Variants in TSPAN7 observed in about 807,000 individuals in gnomAD.
The protein encoded by TSPAN7 is tetraspanin-7.
In TSPAN7, 1 loss-of-function variant was observed where a neutral mutation model predicts 17.6. The ratio of observed to expected loss-of-function variants is 0.06; its 90% CI spans 0.02 to 0.27. TSPAN7 has a LOEUF of 0.27. Among genes scored for constraint, TSPAN7 ranks in the 10% least tolerant of loss-of-function variants. TSPAN7 has a pLI of 1.00. For missense variants in TSPAN7, 112 were observed against 201.7 expected, an observed-to-expected ratio of 0.56 and a Z score of 2.69; for synonymous variants, 78 against 79.0, an observed-to-expected ratio of 0.99 and a Z score of 0.07.
At chrX:38,581,372 G>T (rs183847212) in intron 1 of TSPAN7, among the ~76,000 whole-genome samples, 1 of 112,328 alleles carries the variant, frequency 8.9e-6, no homozygotes, top group Admixed American at 9.4e-5. Context: ...GAAGGCAAAA[G>T]AGGAGAAAGA....
At chrX:38,581,597 A>G (rs747562281) in intron 1 of TSPAN7, among the ~76,000 whole-genome samples, 177 of 112,173 alleles carry the variant, frequency 1.6e-3, no homozygotes, top group Non-Finnish European at 2.6e-3. Flanking sequence ...TGGCCAAACC[A>G]TATCAAATCT....
chrX:38,591,575 A>G (rs1489660221), intron 1 of TSPAN7, among the ~76,000 whole-genome samples: 1 of 112,066 alleles, frequency 8.9e-6, no homozygotes, highest in Non-Finnish European at 1.9e-5. Context: ...TTTTCTCAAT[A>G]CTTGTTCTAT....
chrX:38,631,454 C>G (rs899206969), intron 1 of TSPAN7, among the ~76,000 whole-genome samples: 1 of 111,440 alleles, frequency 9.0e-6, no homozygotes, highest in Non-Finnish European at 1.9e-5. Flanking sequence ...TCAGATAGAA[C>G]AAAAAGAGGA....
At chrX:38,577,710 GC>G (rs1430642921) in intron 1 of TSPAN7, among the ~76,000 whole-genome samples, 13 of 105,688 alleles carry the variant, frequency 1.2e-4, no homozygotes, top group African/African-American at 3.5e-4. Flanking sequence ...TATACCTAAT[GC>G]TAAATGATGA....
At chrX:38,671,554 C>G in intron 3 of TSPAN7, 104 bp downstream of exon 3, 1 of 794,065 alleles carries the variant, frequency 1.3e-6, no homozygotes, top group Non-Finnish European at 1.9e-6. Flanking sequence ...AGCTGTTTTC[C>G]TCAGTGGTGT....
chrX:38,610,540 C>T (rs970204099), intron 1 of TSPAN7, among the ~76,000 whole-genome samples: 1 of 111,620 alleles, frequency 9.0e-6, no homozygotes, highest in Non-Finnish European at 1.9e-5. Flanking sequence ...AGACCACATC[C>T]CTGACCTAGT....
At chrX:38,673,962 G>T (rs1487625390) in intron 3 of TSPAN7, among the ~76,000 whole-genome samples, 2 of 111,475 alleles carry the variant, frequency 1.8e-5, no homozygotes, top group Middle Eastern at 4.2e-3. Flanking sequence ...AAATGGACAG[G>T]CCCCTCCAGT....
rs548004550 is a variant in TSPAN7, at chrX:38,676,890, A to C, written c.597+1030A>C. On this transcript the variant is annotated intron_variant, in intron 5 of 7. Transcript: ENST00000378482. ...TAATAAGGTAACTTCTGGCTTCCTC[A>C]TGGACATCCCCACTGAGTACCCATA... 5.3e-5 allele frequency among the ~76,000 whole-genome samples: 6 copies of C among 112,158 alleles called. No individual in the cohort carries two copies. The South Asian group carries it at 1.9e-3, about 35-fold the overall frequency.
chrX:38,665,538 T>C (rs1416260763), intron 1 of TSPAN7, among the ~76,000 whole-genome samples: 2 of 112,417 alleles, frequency 1.8e-5, no homozygotes, highest in African/African-American at 6.5e-5. Flanking sequence ...GCATTACAGC[T>C]AATTCCAGGA....
At chrX:38,577,495 G>A (rs1448674519) in intron 1 of TSPAN7, among the ~76,000 whole-genome samples, 1 of 109,004 alleles carries the variant, frequency 9.2e-6, no homozygotes, top group Non-Finnish European at 1.9e-5. Flanking sequence ...TCAAACTCAA[G>A]ATATTCATGT....
intron 1 of TSPAN7, among the ~76,000 whole-genome samples, chrX:38,622,381 T>C (rs1412498741): frequency 9.0e-6 from 1 of 111,478 alleles, no homozygotes; most frequent in Non-Finnish European, 1.9e-5. Flanking sequence ...CCCCCATCTC[T>C]ATAAATGCTT....
rs141929776 is a variant in TSPAN7, at chrX:38,613,641, T to C, written c.81+52014T>C. On this transcript the variant is annotated intron_variant, in intron 1 of 7. Coordinates refer to ENST00000378482, the MANE Select transcript of TSPAN7 (RefSeq NM_004615.4). Reference sequence around the variant, plus strand: ...GTCTAGTGCTTAGTCTGGGAGCTTCTTGGGGAAAGAGGACTTGAGGGCAGT... The same window carrying C: ...GTCTAGTGCTTAGTCTGGGAGCTTCCTGGGGAAAGAGGACTTGAGGGCAGT... Among the ~76,000 whole-genome samples, 711 of 112,004 alleles carry C rather than the reference T, an allele frequency of 6.3e-3. 6 individuals are homozygous for C. The highest frequency in any genetic ancestry group is 0.022 in the African/African-American group (679 of 30,813).
intron 1 of TSPAN7, among the ~76,000 whole-genome samples, chrX:38,632,551 A>T (rs1355791778): frequency 8.9e-6 from 1 of 112,644 alleles, no homozygotes; most frequent in Non-Finnish European, 1.9e-5. Flanking sequence ...GCCAGAAAGG[A>T]AGATTTGAAA....
At chrX:38,582,008 C>T (rs1392757328) in intron 1 of TSPAN7, among the ~76,000 whole-genome samples, 1 of 112,754 alleles carries the variant, frequency 8.9e-6, no homozygotes, top group East Asian at 2.8e-4. Flanking sequence ...AGGTAAGGCT[C>T]ATTGGCACAT....
chrX:38,634,601 C>G (rs767605075), intron 1 of TSPAN7, among the ~76,000 whole-genome samples: 1 of 111,896 alleles, frequency 8.9e-6, no homozygotes, highest in African/African-American at 3.3e-5. Flanking sequence ...CTGAGATGGG[C>G]TGAGTTTTAT....
chrX:38,651,050 C>CATATAT (rs34201318), intron 1 of TSPAN7, among the ~76,000 whole-genome samples: 21 of 98,127 alleles, frequency 2.1e-4, no homozygotes, highest in Middle Eastern at 5.3e-3. Flanking sequence ...AATGTGATTA[C>CATATAT]ATATATATAT....
chrX:38,645,302 A>G lies in TSPAN7; in HGVS notation c.82-20819A>G, dbSNP rs1317070597. 4.4e-5 allele frequency among the ~76,000 whole-genome samples: 5 copies of G among 112,403 alleles called. No individual in the cohort carries two copies. In the Admixed American group the frequency reaches 4.7e-4, roughly 11 times the overall value. Reference sequence around the variant, plus strand: ...CCTGGATGGGTCTGTCCACCTTGACAGGGTCCCCACAGTAATCCTATGGTA... The same window carrying G: ...CCTGGATGGGTCTGTCCACCTTGACGGGGTCCCCACAGTAATCCTATGGTA... On this transcript the variant is annotated intron_variant, in intron 1 of 7. Coordinates refer to ENST00000378482, the MANE Select transcript of TSPAN7 (RefSeq NM_004615.4).
chrX:38,675,641 C>T, intron 4 of TSPAN7, 64 bp from the exon 5 acceptor site: 25 of 1,171,289 alleles, frequency 2.1e-5, no homozygotes, highest in Non-Finnish European at 2.9e-5. Context: ...AGTCACAAGG[C>T]AGTGATTGAG....
At chrX:38,621,901 C>T (rs927262971) in intron 1 of TSPAN7, among the ~76,000 whole-genome samples, 1 of 112,457 alleles carries the variant, frequency 8.9e-6, no homozygotes, top group Non-Finnish European at 1.9e-5. Context: ...GTGAGGCTGA[C>T]TTCAGAAACA....
Sources: allele counts gnomAD v4.1 joint callset (sites outside exome capture counted in the v4.1 genomes callset), GRCh38; gene constraint gnomAD v4.1.1; transcripts MANE v1.5; gene names NCBI Gene and HGNC (gene_info 2026-07-23, HGNC 2026-07-21).